The following TP73 variants were observed in gnomAD, a reference collection of about 807,000 sequenced individuals.
TP73 encodes the protein p53-like transcription factor.
A neutral mutation model predicts 62.5 loss-of-function variants in TP73; 25 were observed. That is an observed-to-expected ratio of 0.40 (90% confidence interval 0.29 to 0.56). The LOEUF (loss-of-function observed/expected upper bound fraction) is 0.56. Among genes scored for constraint, TP73 ranks in the 20% least tolerant of loss-of-function variants. TP73 has a pLI of 0.46. For missense variants in TP73, 754 were observed against 913.3 expected, an observed-to-expected ratio of 0.83 and a Z score of 2.25; for synonymous variants, 423 against 377.5, an observed-to-expected ratio of 1.12 and a Z score of -1.40.
At chr1:3,702,134 C>T (rs896509170) in intron 3 of TP73, among the ~76,000 whole-genome samples, 5 of 152,192 alleles carry the variant, frequency 3.3e-5, no homozygotes, top group East Asian at 1.9e-4. Flanking sequence ...CCAGCTTGGC[C>T]GACGGTAGAT....
At chr1:3,707,882 C>A in intron 4 of TP73, 91 bp downstream of exon 4, 1 of 1,500,448 alleles carries the variant, frequency 6.7e-7, no homozygotes, top group Non-Finnish European at 8.9e-7. Flanking sequence ...GAGGTCTGAG[C>A]TCGCCCCACT....
At chr1:3,718,516 G>C (rs1438660142) in intron 4 of TP73, among the ~76,000 whole-genome samples, 1 of 152,136 alleles carries the variant, frequency 6.6e-6, no homozygotes, top group African/African-American at 2.4e-5. Flanking sequence ...GGGAGCTCAG[G>C]CTCCGCAGAG....
intron 1 of TP73, among the ~76,000 whole-genome samples, chr1:3,665,819 CTTTTTTTTTT>C (rs140454580): frequency 1.0e-5 from 1 of 96,898 alleles, no homozygotes; most frequent in Non-Finnish European, 1.9e-5. Flanking sequence ...CGTGCCCGGC[CTTTTTTTTTT>C]TTTTTTTTTT....
Position 3,681,210 on chromosome 1 carries a change from A to AC in TP73, c.-33-1118dup, listed in dbSNP as rs562508572. Among the ~76,000 whole-genome samples, 123 of 152,024 alleles carry AC rather than the reference A, an allele frequency of 8.1e-4. 1 individual carries two copies. The highest frequency in any genetic ancestry group is 3.4e-3 in the Middle Eastern group (1 of 294). ...CGACAGGTTCCAGGCCATGGCCTGC[A>AC]CCCCCGCTGGCCGTGGGCAGGTCCA... On this transcript the variant is annotated intron_variant, in intron 1 of 13. Coordinates refer to ENST00000378295, the MANE Select transcript of TP73 (RefSeq NM_005427.4).
intron 3 of TP73, among the ~76,000 whole-genome samples, chr1:3,684,950 C>T (rs1052432723): frequency 3.3e-5 from 5 of 152,154 alleles, no homozygotes; most frequent in African/African-American, 1.2e-4. Flanking sequence ...CTGCCGGCTG[C>T]TCTCTGGGGA....
chr1:3,671,383 C>A (rs539339307), intron 1 of TP73, among the ~76,000 whole-genome samples: 2 of 152,334 alleles, frequency 1.3e-5, no homozygotes, highest in South Asian at 2.1e-4. Context: ...CCCAGGCTGC[C>A]CCTTGGCCGA....
intron 1 of TP73, among the ~76,000 whole-genome samples, chr1:3,681,705 G>A (rs959570044): frequency 8.5e-5 from 13 of 152,116 alleles, no homozygotes; most frequent in Admixed American, 3.3e-4. Flanking sequence ...GGCTCTAGCC[G>A]GGGGCTTGGC....
rs1388386419 is a variant in TP73, at chr1:3,699,970, GC to G, written c.187-7576del. ...GCCCCAGTCTCCTGATCTCCGCCAA[GC>G]CCAGGGCCCCAGGAAGCGGCCCCAT... On this transcript the variant is annotated intron_variant, in intron 3 of 13. Transcript: ENST00000378295. This position sits in a 1 kb window ranked among gnomAD's most constrained non-coding sequence, Gnocchi z 4.1. 5.3e-5 allele frequency among the ~76,000 whole-genome samples: 8 copies of G among 152,196 alleles called. No individual in the cohort carries two copies. In the South Asian group the frequency reaches 1.0e-3, roughly 20 times the overall value.
rs1291729989 is a variant in TP73 at position 3,662,925 on chromosome 1, C to A, written c.-34+10284C>A. 6.6e-6 allele frequency among the ~76,000 whole-genome samples: 1 copy of A among 152,260 alleles called. No individual in the cohort carries two copies. Among genetic ancestry groups the A allele is most frequent in the African/African-American group, 2.4e-5 (1 of 41,476 alleles). Reference sequence around the variant, plus strand: ...AGCGCTCTCAGAGAAAAACGAAATTCTCTTTTATAAGAGAAACTTGTCTCT... The same window carrying A: ...AGCGCTCTCAGAGAAAAACGAAATTATCTTTTATAAGAGAAACTTGTCTCT... On this transcript the variant is annotated intron_variant, in intron 1 of 13. Coordinates refer to ENST00000378295, the MANE Select transcript of TP73 (RefSeq NM_005427.4). The surrounding 1 kb of genome is among the most constrained non-coding windows in gnomAD (Gnocchi z 4.4).
In TP73 at chr1:3,726,651, GGATGGATT is replaced by G. The variant is rs1443244640; in HGVS notation, c.733-460_733-453del. ...GGGTGGATGGATGGGGTGGATGGATGGATGGATTGATTGATATTGAATGGATGGGTGGG... is the reference window on the plus strand; with the variant it reads ...GGGTGGATGGATGGGGTGGATGGATGGATTGATATTGAATGGATGGGTGGG... On this transcript the variant is annotated intron_variant, in intron 6 of 13. Coordinates refer to ENST00000378295, the MANE Select transcript of TP73 (RefSeq NM_005427.4). Among the ~76,000 whole-genome samples, 5 of 147,764 alleles carry G rather than the reference GGATGGATT, an allele frequency of 3.4e-5. No individual in the cohort carries two copies. In the East Asian group the frequency reaches 1.1e-3, roughly 32 times the overall value.
Position 3,731,083 on chromosome 1 carries a change from G to A in TP73, c.1484+18G>A, listed in dbSNP as rs1203878801. The stretch of plus-strand genomic sequence containing the variant: ...CTCGTCAGGTGCGTGGGCTGCCGAG[G>A]GCCTGAGCATGTGCTGTCACCCTGT... On this transcript the variant is annotated intron_variant, in intron 12 of 13. Transcript: ENST00000378295. 1.2e-6 allele frequency: 2 copies of A among 1,606,736 alleles called. No homozygotes were observed. The highest frequency in any genetic ancestry group is 1.7e-6 in the Non-Finnish European group (2 of 1,176,250).
At chr1:3,680,183 C>G (rs1645487892) in intron 1 of TP73, among the ~76,000 whole-genome samples, 1 of 152,188 alleles carries the variant, frequency 6.6e-6, no homozygotes, top group Non-Finnish European at 1.5e-5. Flanking sequence ...GTCATGTGTC[C>G]TGAGCATGAG....
At chr1:3,668,106 G>C (rs1003958619) in intron 1 of TP73, among the ~76,000 whole-genome samples, 1 of 152,238 alleles carries the variant, frequency 6.6e-6, no homozygotes, top group Non-Finnish European at 1.5e-5. Context: ...AGCCTCCCTG[G>C]GTTCAGGTCT....
intron 10 of TP73, 49 bp from the exon 11 acceptor site, chr1:3,729,951 C>T (rs1641997673): frequency 6.5e-7 from 1 of 1,535,666 alleles, no homozygotes; most frequent in South Asian, 1.3e-5. Context: ...GGTCGGTGGG[C>T]ACGAGGCTGC....
rs957952389 is a variant in TP73, at chr1:3,732,910, G to A, written c.1742G>A (p.Arg581Gln). The change falls in exon 14 of 14, where the codon CGG becomes CAG. Residue 581 changes from arginine (R) to glutamine (Q), a missense_variant. Physicochemically the swap from Arg to Gln is conservative, Grantham distance 43. This residue lies in a region of TP73 where 458 missense variants were observed against 528.7 expected (regional missense o/e 0.87). Transcript: ENST00000378295. ...GGCTCAGGGGAACTGCAGCGCCAGC[G>A]GGTCATGGAGGCCGTGCACTTCCGC... ...IGGSGELQRQ[R>Q]VMEAVHFRVR... The A allele has an allele frequency of 2.5e-6, 4 of 1,610,860 alleles. No individual in the cohort carries two copies. Among genetic ancestry groups the A allele is most frequent in the African/African-American group, 1.3e-5 (1 of 74,892 alleles).
At chr1:3,714,261 C>T (rs1184732921) in intron 4 of TP73, 5 of 152,372 alleles carry the variant, frequency 3.3e-5, no homozygotes, top group African/African-American at 9.6e-5. Context: ...CGGCCACCTC[C>T]AGCTGCTGCC....
intron 3 of TP73, among the ~76,000 whole-genome samples, chr1:3,691,465 G>T (rs1645827942): frequency 6.6e-6 from 1 of 152,176 alleles, no homozygotes; most frequent in Non-Finnish European, 1.5e-5. Context: ...GCTCTTCTCG[G>T]TGTGGGTCTG....
At chr1:3,669,766 C>T (rs1178419791) in intron 1 of TP73, among the ~76,000 whole-genome samples, 5 of 152,242 alleles carry the variant, frequency 3.3e-5, no homozygotes. Flanking sequence ...CTGGGTCCTG[C>T]TTCCAGGGCT....
At chr1:3,731,139 G>A in intron 12 of TP73, 74 bp downstream of exon 12, 2 of 1,553,574 alleles carry the variant, frequency 1.3e-6, no homozygotes, top group Non-Finnish European at 1.7e-6. Context: ...GGCCATGTCA[G>A]CTGCCCTGCC....
Sources: allele counts gnomAD v4.1 joint callset (sites outside exome capture counted in the v4.1 genomes callset), GRCh38; gene constraint gnomAD v4.1.1; regional missense constraint gnomAD v4.1.1; non-coding constraint Gnocchi (gnomAD v3.1); transcripts MANE v1.5; gene names NCBI Gene and HGNC (gene_info 2026-07-23, HGNC 2026-07-21).